The following MKRN1 variants were observed in gnomAD, a reference collection of about 807,000 sequenced individuals.
MKRN1 encodes the protein makorin ring finger protein 1.
In MKRN1, 9 loss-of-function variants were observed where a neutral mutation model predicts 55.5. The observed-to-expected ratio is 0.16, with a 90% CI of 0.10 to 0.28. The LOEUF (loss-of-function observed/expected upper bound fraction) is 0.28. Ranked by LOEUF, MKRN1 falls within the 10% of genes least tolerant of loss-of-function variation. The pLI, the probability that MKRN1 is intolerant of heterozygous loss-of-function variation, is 1.00. For missense variants in MKRN1, 488 were observed against 626.7 expected, an observed-to-expected ratio of 0.78 and a Z score of 2.36; for synonymous variants, 253 against 235.9, an observed-to-expected ratio of 1.07 and a Z score of -0.66.
chr7:140,458,976 T>C (rs1794541936), intron 4 of MKRN1, 31 bp downstream of exon 4: 1 of 1,602,958 alleles, frequency 6.2e-7, no homozygotes, highest in Admixed American at 1.7e-5. Flanking sequence ...TTCTCACATC[T>C]AATAACACAC....
chr7:140,460,038 T>G (rs191927030), intron 2 of MKRN1, 102 bp from the exon 3 acceptor site: 1 of 1,029,518 alleles, frequency 9.7e-7, no homozygotes, highest in East Asian at 2.5e-5. Context: ...CCAGAGAGGT[T>G]GGGAGTTCGA....
rs532167277 is a variant in MKRN1, at chr7:140,479,348, T to A, written c.-4A>T. ...CGGGAGTTGCAGCCTCCGCCATTAC[T>A]GTTTATCCCACACAGCAAAGGCCCC... On this transcript the variant is annotated 5_prime_UTR_variant, in exon 1 of 8. Transcript: ENST00000255977. 1 of 1,295,966 alleles carries A rather than the reference T, an allele frequency of 7.7e-7. No individual in the cohort carries two copies. Among genetic ancestry groups the A allele is most frequent in the South Asian group, 2.5e-5 (1 of 39,322 alleles). The allele number at this position is 1,295,966 out of a possible 1,614,324, so 80.3% of individuals were successfully genotyped here.
chr7:140,478,437 CAAAAG>C (rs1795186908), intron 1 of MKRN1: 1 of 152,014 alleles, frequency 6.6e-6, no homozygotes, highest in African/African-American at 2.4e-5. Context: ...GCGTAAATTT[CAAAAG>C]AGGAACATAG....
At chr7:140,470,359 T>TG (rs779783560) in intron 2 of MKRN1, among the ~76,000 whole-genome samples, 1 of 151,966 alleles carries the variant, frequency 6.6e-6, no homozygotes, top group Non-Finnish European at 1.5e-5. Flanking sequence ...CCGAACCGCG[T>TG]GGATCACCTG....
At chr7:140,475,419 G>C (rs1347812465) in intron 1 of MKRN1, 1 of 286,544 alleles carries the variant, frequency 3.5e-6, no homozygotes, top group Non-Finnish European at 7.0e-6. Context: ...CAGCACTTTA[G>C]GAGGCCGAGG....
Position 140,459,928 on chromosome 7 carries a change from T to C in MKRN1, c.323A>G (p.His108Arg). 6.2e-7 allele frequency: 1 copy of C among 1,612,470 alleles called. No individual in the cohort carries two copies. Among genetic ancestry groups the C allele is most frequent in the East Asian group, 2.2e-5 (1 of 44,850 alleles). ...CIYGDRCRYE[H>R]SKPLKQEEAT... is the part of the protein sequence containing the mutation. Reference sequence around the variant, plus strand: ...TTCTTCCTGTTTCAATGGTTTGCTATGTTCATATCTAAGAAAAAATTCAAA... The same window carrying C: ...TTCTTCCTGTTTCAATGGTTTGCTACGTTCATATCTAAGAAAAAATTCAAA... The change falls in exon 3 of 8, where the codon CAT becomes CGT. Residue 108 changes from histidine to arginine, a missense_variant. Transcript: ENST00000255977.
intron 4 of MKRN1, among the ~76,000 whole-genome samples, chr7:140,457,784 A>C (rs1434688429): frequency 2.3e-5 from 3 of 133,008 alleles, no homozygotes; most frequent in African/African-American, 4.0e-5. Context: ...GTCTTTTCCT[A>C]AACCTTTAAA....
At position 140,454,459 on chromosome 7, in the gene MKRN1, C is replaced by T; in HGVS notation, c.*58G>A. 2 of 1,525,994 alleles carry T rather than the reference C, an allele frequency of 1.3e-6. No homozygotes were observed. The highest frequency in any genetic ancestry group is 2.3e-5 in the South Asian group (2 of 86,124). 94.5% of individuals were successfully genotyped at this position (1,525,994 alleles called of 1,614,324 possible). ...GAGAACACAGGCACTGCCACACCAC[C>T]ACAGGGGACAGCTGCTGTCTGAGGT... is the stretch of plus-strand genomic sequence containing the variant. On this transcript the variant is annotated 3_prime_UTR_variant, in exon 8 of 8. Coordinates refer to ENST00000255977, the MANE Select transcript of MKRN1 (RefSeq NM_013446.4).
intron 2 of MKRN1, among the ~76,000 whole-genome samples, chr7:140,464,521 G>A (rs2130296102): frequency 6.6e-6 from 1 of 152,240 alleles, no homozygotes; most frequent in South Asian, 2.1e-4. Flanking sequence ...TGATCAACAT[G>A]GAGAAACCCC....
chr7:140,478,461 G>A (rs1795187520), intron 1 of MKRN1: 1 of 150,638 alleles, frequency 6.6e-6, no homozygotes, highest in South Asian at 2.1e-4. Context: ...AGCGCTGGGG[G>A]AGGGTAATAA....
intron 1 of MKRN1, chr7:140,478,882 G>A: frequency 3.5e-6 from 1 of 287,388 alleles, no homozygotes; most frequent in Admixed American, 5.3e-5. Flanking sequence ...GCTCAGGGAA[G>A]TGTAAGCGGC....
intron 2 of MKRN1, chr7:140,460,312 T>TC (rs1794584918): frequency 1.2e-5 from 1 of 84,588 alleles, no homozygotes; most frequent in Non-Finnish European, 2.0e-5. Context: ...TTTCTTTTCT[T>TC]TTTTTTTTTT....
rs189578801 is a variant in MKRN1, at chr7:140,468,244, G to A, written c.314+3639C>T. On this transcript the variant is annotated intron_variant, in intron 2 of 7. Coordinates refer to ENST00000255977, the MANE Select transcript of MKRN1 (RefSeq NM_013446.4). ...ACTCCTCCTGCCCCAGTCACAGTTG[G>A]CAGTAACTCTCAAAAGACTAGAACC... 1.8e-4 allele frequency among the ~76,000 whole-genome samples: 27 copies of A among 152,022 alleles called. No homozygotes were observed. In the East Asian group the frequency reaches 4.8e-3, roughly 27 times the overall value.
chr7:140,477,064 C>T (rs1795143253), intron 1 of MKRN1, among the ~76,000 whole-genome samples: 1 of 146,534 alleles, frequency 6.8e-6, no homozygotes, highest in Non-Finnish European at 1.5e-5. Context: ...CACCATTGCA[C>T]TCCAACCTGG....
intron 2 of MKRN1, among the ~76,000 whole-genome samples, chr7:140,464,129 G>C (rs1794705794): frequency 6.6e-6 from 1 of 152,036 alleles, no homozygotes; most frequent in African/African-American, 2.4e-5. Context: ...ATGTTGGCCA[G>C]GCTAGTCTTT....
intron 2 of MKRN1, among the ~76,000 whole-genome samples, chr7:140,467,675 C>T (rs996188843): frequency 5.3e-5 from 8 of 152,058 alleles, no homozygotes; most frequent in South Asian, 2.1e-4. Flanking sequence ...CTATTTGGGG[C>T]GGGCAAAGTT....
intron 2 of MKRN1, among the ~76,000 whole-genome samples, chr7:140,461,548 T>A (rs757367027): frequency 6.6e-6 from 1 of 151,412 alleles, no homozygotes; most frequent in Non-Finnish European, 1.5e-5. Flanking sequence ...GGCATAACAG[T>A]TGTTTAAACA....
intron 2 of MKRN1, among the ~76,000 whole-genome samples, chr7:140,462,084 G>T (rs578098949): frequency 5.9e-5 from 9 of 152,212 alleles, no homozygotes; most frequent in Non-Finnish European, 1.2e-4. Flanking sequence ...CTGGAGTGCA[G>T]TAGCGTGACC....
chr7:140,454,847 A>G, intron 7 of MKRN1, 118 bp from the exon 8 acceptor site: 1 of 1,160,948 alleles, frequency 8.6e-7, no homozygotes, highest in Non-Finnish European at 1.2e-6. Context: ...CTTCTTAGTT[A>G]GGGTTTCCAT....
Sources: gnomAD v4.1 joint callset for allele counts (sites outside exome capture counted in the v4.1 genomes callset) on GRCh38, gnomAD v4.1.1 for gene constraint, MANE v1.5 for transcripts, NCBI Gene and HGNC (gene_info 2026-07-23, HGNC 2026-07-21) for gene names.